Variants in PLCB1 observed in about 807,000 individuals in gnomAD.
PLCB1 encodes the protein phospholipase C beta 1.
PLCB1 carries 46 observed loss-of-function variants against 161.8 expected under a neutral mutation model. The ratio of observed to expected loss-of-function variants is 0.28; its 90% CI spans 0.22 to 0.36. PLCB1 has a LOEUF of 0.36. PLCB1 is among the 10% of genes least tolerant of loss of function. The pLI is 1.00. For synonymous variants in PLCB1, 517 were observed against 503.7 expected, an observed-to-expected ratio of 1.03 and a Z score of -0.35; for missense variants, 1,016 against 1,472.5, an observed-to-expected ratio of 0.69 and a Z score of 5.07.
chr20:8,651,130 T>G (rs1325975596), intron 7 of PLCB1, among the ~76,000 whole-genome samples: 1 of 152,140 alleles, frequency 6.6e-6, no homozygotes, highest in East Asian at 1.9e-4. Context: ...TTTATCTGAG[T>G]ATCTAAGCAA....
chr20:8,140,663 G>A (rs2051393110), intron 1 of PLCB1, among the ~76,000 whole-genome samples: 1 of 152,138 alleles, frequency 6.6e-6, no homozygotes, highest in Non-Finnish European at 1.5e-5. Flanking sequence ...TTGTCGAAGG[G>A]CACATAACTA....
At chr20:8,799,278 G>A (rs1984175239) in intron 31 of PLCB1, among the ~76,000 whole-genome samples, 1 of 152,172 alleles carries the variant, frequency 6.6e-6, no homozygotes, top group Non-Finnish European at 1.5e-5. Context: ...CTACATGTTG[G>A]TGGGGTTCAG....
At chr20:8,318,802 G>A (rs1984775404) in intron 2 of PLCB1, among the ~76,000 whole-genome samples, 1 of 152,016 alleles carries the variant, frequency 6.6e-6, no homozygotes, top group Non-Finnish European at 1.5e-5. Context: ...GCATATTTTT[G>A]TGGTCTGATG....
At chr20:8,409,065 A>G (rs544811059) in intron 3 of PLCB1, among the ~76,000 whole-genome samples, 1 of 152,224 alleles carries the variant, frequency 6.6e-6, no homozygotes, top group Non-Finnish European at 1.5e-5. Context: ...TGGGTTAGAG[A>G]CTGATTTGGA....
At chr20:8,728,337 TTG>T (rs1980051300) in intron 17 of PLCB1, among the ~76,000 whole-genome samples, 1 of 152,054 alleles carries the variant, frequency 6.6e-6, no homozygotes. Flanking sequence ...TTCACCTAAC[TTG>T]GTGATAGGAA....
In PLCB1 at chr20:8,549,768, G is replaced by T. The variant is rs149384452; in HGVS notation, c.247-78526G>T. On this transcript the variant is annotated intron_variant, in intron 3 of 31. Transcript: ENST00000338037. ...TGTATTTTTGTAGAGACAAGGTTTTGCCATGTTGCCCAGGCTGGTGTCAAA... is the reference window on the plus strand; with the variant it reads ...TGTATTTTTGTAGAGACAAGGTTTTTCCATGTTGCCCAGGCTGGTGTCAAA... Among the ~76,000 whole-genome samples, 3 of 152,066 alleles carry T rather than the reference G, an allele frequency of 2.0e-5. No individual in the cohort carries two copies. The East Asian group carries it at 5.8e-4, about 29-fold the overall frequency.
chr20:8,673,854 C>G (rs1990008908), intron 9 of PLCB1, among the ~76,000 whole-genome samples: 2 of 152,168 alleles, frequency 1.3e-5, no homozygotes, highest in Admixed American at 1.3e-4. Context: ...TAAAGATCAG[C>G]AGTGAACTAG....
chr20:8,703,362 A>C (rs1978477486), intron 11 of PLCB1, among the ~76,000 whole-genome samples: 1 of 152,222 alleles, frequency 6.6e-6, no homozygotes, highest in African/African-American at 2.4e-5. Context: ...TTCTGTAAAT[A>C]TAATGGTTGT....
At chr20:8,242,083 C>G (rs1444330102) in intron 2 of PLCB1, among the ~76,000 whole-genome samples, 1 of 151,946 alleles carries the variant, frequency 6.6e-6, no homozygotes, top group Non-Finnish European at 1.5e-5. Context: ...GAGTCAGGAG[C>G]TAGAAGGACT....
intron 2 of PLCB1, among the ~76,000 whole-genome samples, chr20:8,304,425 A>AT (rs2123325614): frequency 1.3e-5 from 2 of 151,798 alleles, no homozygotes; most frequent in South Asian, 2.1e-4. Context: ...GCCAGTTTTC[A>AT]TTTTTTCTTA....
At chr20:8,291,676 G>T (rs1196704917) in intron 2 of PLCB1, among the ~76,000 whole-genome samples, 1 of 152,166 alleles carries the variant, frequency 6.6e-6, no homozygotes, top group Non-Finnish European at 1.5e-5. Context: ...TTAACAAAGG[G>T]TGTGCTCACC....
At chr20:8,502,218 G>C (rs948866332) in intron 3 of PLCB1, among the ~76,000 whole-genome samples, 46 of 151,894 alleles carry the variant, frequency 3.0e-4, no homozygotes, top group Non-Finnish European at 1.5e-4. Flanking sequence ...ATACAGTATA[G>C]CTATTAAAAA....
intron 2 of PLCB1, among the ~76,000 whole-genome samples, chr20:8,194,402 T>G (rs1440495818): frequency 6.6e-6 from 1 of 152,046 alleles, no homozygotes; most frequent in African/African-American, 2.4e-5. Flanking sequence ...AAGTGCACCC[T>G]GTCATTTTTC....
At chr20:8,417,026 TACACACACACACACAC>T (rs5840263) in intron 3 of PLCB1, among the ~76,000 whole-genome samples, 1 of 66,560 alleles carries the variant, frequency 1.5e-5, no homozygotes, top group Non-Finnish European at 2.7e-5. Context: ...TATATGTGTA[TACACACACACACACAC>T]ACACACACAC....
At chr20:8,167,111 C>T (rs1164762828) in intron 2 of PLCB1, among the ~76,000 whole-genome samples, 1 of 152,088 alleles carries the variant, frequency 6.6e-6, no homozygotes, top group East Asian at 1.9e-4. Flanking sequence ...GATATGGATA[C>T]TTCATCACTG....
intron 3 of PLCB1, among the ~76,000 whole-genome samples, chr20:8,609,157 A>G (rs988938602): frequency 1.3e-4 from 20 of 152,208 alleles, no homozygotes; most frequent in African/African-American, 4.6e-4. Flanking sequence ...AGTCTTAGCT[A>G]TTGGAAATGA....
At chr20:8,217,107 C>G (rs1979176495) in intron 2 of PLCB1, among the ~76,000 whole-genome samples, 1 of 152,152 alleles carries the variant, frequency 6.6e-6, no homozygotes, top group Admixed American at 6.6e-5. Flanking sequence ...TTTAAACCCA[C>G]TTTACTGAAG....
At chr20:8,169,737 C>T (rs1209601363) in intron 2 of PLCB1, among the ~76,000 whole-genome samples, 1 of 152,134 alleles carries the variant, frequency 6.6e-6, no homozygotes, top group South Asian at 2.1e-4. Context: ...GTGCAGTTTT[C>T]GATGCCTGAA....
intron 3 of PLCB1, among the ~76,000 whole-genome samples, chr20:8,435,167 C>T (rs925142696): frequency 2.6e-5 from 4 of 152,198 alleles, no homozygotes; most frequent in Admixed American, 6.5e-5. Flanking sequence ...CACAACACTG[C>T]CTAGTTCTTG....
Sources: gnomAD v4.1 joint callset for allele counts (sites outside exome capture counted in the v4.1 genomes callset) on GRCh38, gnomAD v4.1.1 for gene constraint, MANE v1.5 for transcripts, NCBI Gene and HGNC (gene_info 2026-07-23, HGNC 2026-07-21) for gene names.